CHPT1: variants seen among roughly 807,000 people sequenced by gnomAD.
CHPT1 encodes the protein cholinephosphotransferase 1.
Under a neutral mutation model 47.6 loss-of-function variants are expected in CHPT1, and 36 were observed. That is an observed-to-expected ratio of 0.76 (90% CI 0.58 to 1.00). The LOEUF (loss-of-function observed/expected upper bound fraction) is 1.00, where lower values mean the gene tolerates loss of function less well. Ranked by LOEUF, CHPT1 falls within the 50% of genes least tolerant of loss-of-function variation. CHPT1 has a pLI of 0.00. For synonymous variants in CHPT1, 194 were observed against 186.3 expected, an observed-to-expected ratio of 1.04 and a Z score of -0.33; for missense variants, 458 against 498.1, an observed-to-expected ratio of 0.92 and a Z score of 0.77.
chr12:101,728,749 GCTAA>G lies in CHPT1; in HGVS notation c.1177-145_1177-142del, dbSNP rs1952043588. ...TAATACATATTCTTTAGGAATAGTT[GCTAA>G]CTAACTCATAACTATTTAGATTTGA... On this transcript the variant is annotated intron_variant, in intron 8 of 8. Coordinates refer to ENST00000229266, the MANE Select transcript of CHPT1 (RefSeq NM_020244.3). The G allele has an allele frequency of 1.3e-5, 10 of 799,678 alleles. No homozygotes were observed. The East Asian group carries it at 1.6e-4, about 13-fold the overall frequency. The allele number at this position is 799,678 out of a possible 1,614,324, so 49.5% of individuals were successfully genotyped here.
At chr12:101,703,572 G>GTC (rs1457540824) in intron 1 of CHPT1, among the ~76,000 whole-genome samples, 1 of 152,176 alleles carries the variant, frequency 6.6e-6, no homozygotes, top group Non-Finnish European at 1.5e-5. Flanking sequence ...AAAGGTCTGG[G>GTC]TCGAAAGCAG....
chr12:101,716,565 C>T (rs1951766328), intron 3 of CHPT1, among the ~76,000 whole-genome samples, 163 bp from the exon 4 acceptor site: 1 of 152,084 alleles, frequency 6.6e-6, no homozygotes, highest in Admixed American at 6.5e-5. Flanking sequence ...ACTTTTTTAA[C>T]TTAACAGTGT....
intron 4 of CHPT1, 71 bp from the exon 5 acceptor site, chr12:101,720,052 A>C: frequency 9.7e-7 from 1 of 1,026,206 alleles, no homozygotes; most frequent in Non-Finnish European, 1.4e-6. Flanking sequence ...GCTTATCATT[A>C]TGTTTCTTTA....
rs1566043732 is a variant in CHPT1, at chr12:101,723,846, T to C, written c.1064T>C (p.Met355Thr). The change falls in exon 7 of 9, where the codon ATG becomes ACG. Residue 355 changes from methionine (M) to threonine (T), a missense_variant and splice_region_variant. Coordinates refer to ENST00000229266, the MANE Select transcript of CHPT1 (RefSeq NM_020244.3). Reference protein sequence around the residue: ...IDEYVVLWMAMVISSFDMVIY... With the variant: ...IDEYVVLWMATVISSFDMVIY... ...GAATATGTTGTTCTATGGATGGCAA[T>C]GGTAAGTATTTTTCTCCATTTTATT... 6.6e-7 allele frequency: 1 copy of C among 1,506,088 alleles called. No individual in the cohort carries two copies. The allele number at this position is 1,506,088 out of a possible 1,614,324, so 93.3% of individuals were successfully genotyped here. A position where few individuals can be genotyped will look rare whatever the true frequency, so the allele number is the denominator to read the frequency against.
At chr12:101,727,696 C>G (rs530888988) in intron 8 of CHPT1, 1 of 152,064 alleles carries the variant, frequency 6.6e-6, no homozygotes, top group Admixed American at 6.5e-5. Context: ...GACTTTCTTA[C>G]AAGGATGAAT....
At chr12:101,710,817 A>G (rs1262550080) in intron 1 of CHPT1, among the ~76,000 whole-genome samples, 1 of 148,984 alleles carries the variant, frequency 6.7e-6, no homozygotes, top group Non-Finnish European at 1.5e-5. Flanking sequence ...GATTTTCAGT[A>G]TAAAGAGTTA....
chr12:101,726,295 T>G lies in CHPT1; in HGVS notation c.1067T>G (p.Val356Gly). 6.3e-7 allele frequency: 1 copy of G among 1,599,380 alleles called. No individual in the cohort carries two copies. The highest frequency in any genetic ancestry group is 8.6e-7 in the Non-Finnish European group (1 of 1,168,286). Residue 356 changes from valine (V) to glycine (G), a missense_variant and splice_region_variant, in exon 8 of 9, where the codon GTG (valine) becomes GGG (glycine). Physicochemically the swap from Val to Gly is moderately radical, Grantham distance 109. Coordinates refer to ENST00000229266, the MANE Select transcript of CHPT1 (RefSeq NM_020244.3). Reference protein sequence around the residue: ...DEYVVLWMAMVISSFDMVIYF... With the variant: ...DEYVVLWMAMGISSFDMVIYF... The stretch of plus-strand genomic sequence containing the variant: ...ATATTTTCTTTTTTGCTTCTAAAGG[T>G]GATTTCTTCATTTGATATGGTGATA...
intron 7 of CHPT1, among the ~76,000 whole-genome samples, chr12:101,725,505 G>C (rs962031111): frequency 6.6e-6 from 1 of 151,878 alleles, no homozygotes; most frequent in Non-Finnish European, 1.5e-5. Context: ...AAAATACCAG[G>C]TGTTAAAAAA....
intron 4 of CHPT1, 102 bp from the exon 5 acceptor site, chr12:101,720,021 A>C: frequency 1.5e-6 from 1 of 667,556 alleles, no homozygotes; most frequent in Non-Finnish European, 2.3e-6. Flanking sequence ...TCACAAGAAA[A>C]AGGATAGCTT....
At chr12:101,716,285 T>C (rs1221623376) in intron 3 of CHPT1, among the ~76,000 whole-genome samples, 1 of 152,180 alleles carries the variant, frequency 6.6e-6, no homozygotes, top group Non-Finnish European at 1.5e-5. Flanking sequence ...AAGAAGACTA[T>C]TGGAATTTTC....
At position 101,725,310 on chromosome 12, in the gene CHPT1, A is replaced by T. The variant is rs192525229; in HGVS notation, c.1066-984A>T. On this transcript the variant is annotated intron_variant, in intron 7 of 8. Coordinates refer to ENST00000229266, the MANE Select transcript of CHPT1 (RefSeq NM_020244.3). ...ACAATGAACGTTTTCAGGCAAAATT[A>T]AAAAAAAAAATGTTTAAAAATCAGA... 3.7e-4 allele frequency among the ~76,000 whole-genome samples: 54 copies of T among 147,354 alleles called. No homozygotes were observed. The East Asian group carries it at 4.7e-3, about 13-fold the overall frequency.
chr12:101,698,154 C>A lies in CHPT1; in HGVS notation c.273+20C>A. On this transcript the variant is annotated intron_variant, in intron 1 of 8. Coordinates refer to ENST00000229266, the MANE Select transcript of CHPT1 (RefSeq NM_020244.3). The stretch of plus-strand genomic sequence containing the variant: ...GAAGAGGTAGGGCTGGCCGATCGCC[C>A]GAGCCGGGCCCCAGATGCGCTGCGG... The A allele has an allele frequency of 7.0e-7, 1 of 1,436,404 alleles. No individual in the cohort carries two copies. The highest frequency in any genetic ancestry group is 9.1e-7 in the Non-Finnish European group (1 of 1,093,386). The allele number at this position is 1,436,404 out of a possible 1,614,324, so 89.0% of individuals were successfully genotyped here.
intron 1 of CHPT1, among the ~76,000 whole-genome samples, chr12:101,707,632 T>C (rs779960779): frequency 6.6e-6 from 1 of 152,190 alleles, no homozygotes; most frequent in Non-Finnish European, 1.5e-5. Flanking sequence ...ATCCTTGCCC[T>C]CTCTGTGCTT....
chr12:101,699,690 A>G (rs1054501265), intron 1 of CHPT1, among the ~76,000 whole-genome samples: 1 of 152,180 alleles, frequency 6.6e-6, no homozygotes, highest in African/African-American at 2.4e-5. Flanking sequence ...CGCCAGGCTT[A>G]TTATATATTT....
At chr12:101,726,650 C>A in intron 8 of CHPT1, 1 of 485,894 alleles carries the variant, frequency 2.1e-6, no homozygotes. Flanking sequence ...AGAAACAAGA[C>A]TAAAGAAATG....
intron 1 of CHPT1, among the ~76,000 whole-genome samples, chr12:101,704,323 C>A (rs553626376): frequency 6.5e-4 from 98 of 151,188 alleles, no homozygotes; most frequent in African/African-American, 2.2e-3. Flanking sequence ...TTTATGTCAA[C>A]TTTAAATCAA....
rs1555262966 is a variant in CHPT1, at chr12:101,719,156, G to GGAA, written c.649-967_649-966insGAA. Among the ~76,000 whole-genome samples the GGAA allele has an allele frequency of 5.1e-3, 481 of 95,044 alleles. 13 individuals carry two copies. The East Asian group carries it at 0.1, about 21-fold the overall frequency. 62.4% of individuals were successfully genotyped at this position (95,044 alleles called of 152,430 possible). Reference sequence around the variant, plus strand: ...CTGGGCGACAAGAGACTCGTCTCAAGAAAAAAAAAAAAAAAAAAAAAGAAG... The same window carrying GGAA: ...CTGGGCGACAAGAGACTCGTCTCAAGGAAAAAAAAAAAAAAAAAAAAAAAGAAG... On this transcript the variant is annotated intron_variant, in intron 4 of 8. Coordinates refer to ENST00000229266, the MANE Select transcript of CHPT1 (RefSeq NM_020244.3).
intron 7 of CHPT1, among the ~76,000 whole-genome samples, chr12:101,725,780 A>C (rs1277532136): frequency 6.6e-6 from 1 of 152,160 alleles, no homozygotes; most frequent in Non-Finnish European, 1.5e-5. Flanking sequence ...TCTGAAGAGA[A>C]GCATTTGACT....
Position 101,714,119 on chromosome 12 carries a change from A to G in CHPT1, c.303A>G (p.Ala101=), listed in dbSNP as rs746263652. Residue 101 remains alanine, a synonymous_variant, in exon 2 of 9, where the codon GCA becomes GCG. Transcript: ENST00000229266. ...EAPYWTYLLC[A]LGLFIYQSLD... is the part of the protein sequence containing the mutation. Reference sequence around the variant, plus strand: ...CATACTGGACATACCTTTTATGTGCACTGGGACTTTTTATTTACCAGTCAC... The same window carrying G: ...CATACTGGACATACCTTTTATGTGCGCTGGGACTTTTTATTTACCAGTCAC... 6.2e-7 allele frequency: 1 copy of G among 1,610,054 alleles called. No homozygotes were observed. Among genetic ancestry groups the G allele is most frequent in the East Asian group, 2.2e-5 (1 of 44,820 alleles).
Sources: gnomAD v4.1 joint callset for allele counts (sites outside exome capture counted in the v4.1 genomes callset) on GRCh38, gnomAD v4.1.1 for gene constraint, MANE v1.5 for transcripts, NCBI Gene and HGNC (gene_info 2026-07-23, HGNC 2026-07-21) for gene names.